LCMT1: variants seen among roughly 807,000 people sequenced by gnomAD.
LCMT1 encodes [Phosphatase 2A protein]-leucine-carboxy methyltransferase 1.
In LCMT1, 32 loss-of-function variants were observed where a neutral mutation model predicts 47.7. The ratio of observed to expected loss-of-function variants is 0.67; its 90% confidence interval spans 0.51 to 0.90. LCMT1 has a LOEUF of 0.90. Ranked by LOEUF, LCMT1 falls within the 40% of genes least tolerant of loss-of-function variation. The probability of loss-of-function intolerance (pLI) is 0.00; values close to 1 mark genes in which losing one functional copy is unlikely to be tolerated. For missense variants in LCMT1, 375 were observed against 415.2 expected, an observed-to-expected ratio of 0.90 and a Z score of 0.84; for synonymous variants, 152 against 149.7, an observed-to-expected ratio of 1.02 and a Z score of -0.11.
At chr16:25,151,443 A>C in intron 4 of LCMT1, 111 bp from the exon 5 acceptor site, 1 of 883,436 alleles carries the variant, frequency 1.1e-6, no homozygotes. Flanking sequence ...AATAGCAAAT[A>C]TATATTTGCC....
chr16:25,161,063 C>A, intron 5 of LCMT1, 39 bp from the exon 6 acceptor site: 1 of 1,237,240 alleles, frequency 8.1e-7, no homozygotes, highest in Non-Finnish European at 1.2e-6. Context: ...TTGGAAAAGA[C>A]ATATTCATTA....
At chr16:25,141,144 A>G (rs1298976072) in intron 4 of LCMT1, 2 of 152,188 alleles carry the variant, frequency 1.3e-5, no homozygotes, top group Non-Finnish European at 2.9e-5. Flanking sequence ...ACTTGGAGCT[A>G]TTGAAACCTG....
At chr16:25,135,570 G>A (rs1960480873) in intron 3 of LCMT1, among the ~76,000 whole-genome samples, 1 of 152,188 alleles carries the variant, frequency 6.6e-6, no homozygotes, top group African/African-American at 2.4e-5. Flanking sequence ...TTAGAGGTAT[G>A]TGTGTGTCTC....
Position 25,159,380 on chromosome 16 carries a change from C to T in LCMT1, c.467-1722C>T, listed in dbSNP as rs555796677. ...GAGCTCCTGGGCTCAAGCCATCACACCTCAGCCTCCGGAGTAGCTGGGACT... is the reference window on the plus strand; with the variant it reads ...GAGCTCCTGGGCTCAAGCCATCACATCTCAGCCTCCGGAGTAGCTGGGACT... On this transcript the variant is annotated intron_variant, in intron 5 of 10. Transcript: ENST00000399069. 1.0e-3 allele frequency among the ~76,000 whole-genome samples: 158 copies of T among 152,298 alleles called. 1 individual carries two copies. Among genetic ancestry groups the T allele is most frequent in the African/African-American group, 3.7e-3 (155 of 41,556 alleles).
chr16:25,133,196 C>G (rs991239038), intron 3 of LCMT1, among the ~76,000 whole-genome samples: 15 of 151,948 alleles, frequency 9.9e-5, no homozygotes, highest in African/African-American at 3.1e-4. Flanking sequence ...AAGATTTTGT[C>G]AGGATAATGG....
intron 3 of LCMT1, among the ~76,000 whole-genome samples, chr16:25,133,754 C>T (rs1960422279): frequency 6.6e-6 from 1 of 150,588 alleles, no homozygotes; most frequent in Admixed American, 6.6e-5. Context: ...CACTAATTGG[C>T]CGGGCATGGT....
chr16:25,130,632 C>T (rs776716094), intron 2 of LCMT1, among the ~76,000 whole-genome samples: 2 of 151,760 alleles, frequency 1.3e-5, no homozygotes, highest in South Asian at 2.1e-4. Context: ...GGTGACAGAG[C>T]GAGACCCTGT....
At chr16:25,163,991 G>A (rs1200882145) in intron 6 of LCMT1, among the ~76,000 whole-genome samples, 2 of 152,122 alleles carry the variant, frequency 1.3e-5, no homozygotes, top group Non-Finnish European at 2.9e-5. Context: ...CTGATATTCT[G>A]GAGTTCAGTC....
Position 25,111,997 on chromosome 16 carries a change from G to A in LCMT1, c.113+1G>A, listed in dbSNP as rs1310382336. 3 of 1,609,626 alleles carry A rather than the reference G, an allele frequency of 1.9e-6. No homozygotes were observed. The highest frequency in any genetic ancestry group is 2.5e-6 in the Non-Finnish European group (3 of 1,176,754). On this transcript the variant is annotated splice_donor_variant, in intron 1 of 10. Transcript: ENST00000399069. LOFTEE classifies it high-confidence loss of function. Reference sequence around the variant, plus strand: ...GCGAAGATGCTTCCCTGTGCAAGAGGTGCCTGTCGGGCGCGGGGTTCGGGG... The same window carrying A: ...GCGAAGATGCTTCCCTGTGCAAGAGATGCCTGTCGGGCGCGGGGTTCGGGG...
At chr16:25,149,084 T>A (rs1960983104) in intron 4 of LCMT1, 1 of 152,200 alleles carries the variant, frequency 6.6e-6, no homozygotes, top group South Asian at 2.1e-4. Context: ...GTTATCTTGG[T>A]TAATGGACCA....
rs1168335022 is a variant in LCMT1 at position 25,128,512 on chromosome 16, A to T, written c.151A>T (p.Ile51Leu). Reference sequence around the variant, plus strand: ...CATTGGCTACTGGCATGACCCTTACATACAGCACTTTGTGAGACTGTCTAA... The same window carrying T: ...CATTGGCTACTGGCATGACCCTTACTTACAGCACTTTGTGAGACTGTCTAA... ...VSIGYWHDPY[I>L]QHFVRLSKER... is the part of the protein sequence containing the mutation. The change falls in exon 2 of 11, where the codon ATA becomes TTA. Residue 51 changes from isoleucine (I) to leucine (L), a missense_variant. By Grantham distance (5) the Ile-to-Leu change is conservative. Transcript: ENST00000399069. 2.5e-6 allele frequency: 4 copies of T among 1,610,770 alleles called. No homozygotes were observed. The Admixed American group carries it at 6.7e-5, about 27-fold the overall frequency.
Position 25,170,818 on chromosome 16 carries a change from T to C in LCMT1, c.884+13T>C. 1 of 1,581,382 alleles carries C rather than the reference T, an allele frequency of 6.3e-7. No homozygotes were observed. Among genetic ancestry groups the C allele is most frequent in the South Asian group, 1.1e-5 (1 of 88,614 alleles). ...CTGAAGTGAGCAGGTATGGGGTTGG[T>C]GAGCGTCAGCTTGATGGGCATTCAT... On this transcript the variant is annotated intron_variant, in intron 9 of 10. Coordinates refer to ENST00000399069, the MANE Select transcript of LCMT1 (RefSeq NM_016309.3).
intron 10 of LCMT1, among the ~76,000 whole-genome samples, chr16:25,176,343 CAT>C (rs916696593): frequency 3.3e-5 from 5 of 152,010 alleles, no homozygotes; most frequent in African/African-American, 1.2e-4. Context: ...ATCCACATGA[CAT>C]GTGGTCACAA....
intron 8 of LCMT1, among the ~76,000 whole-genome samples, chr16:25,169,991 G>A (rs918999010): frequency 7.9e-5 from 12 of 151,996 alleles, no homozygotes; most frequent in South Asian, 2.1e-4. Context: ...ATGCTGAGGC[G>A]GGCGGATCAC....
chr16:25,160,227 G>A (rs766804573), intron 5 of LCMT1, among the ~76,000 whole-genome samples: 15 of 152,152 alleles, frequency 9.9e-5, no homozygotes, highest in Admixed American at 2.6e-4. Flanking sequence ...GATTACAGGC[G>A]TGAGCCACCG....
intron 3 of LCMT1, among the ~76,000 whole-genome samples, chr16:25,135,962 A>G (rs970463930): frequency 1.6e-4 from 24 of 151,882 alleles, no homozygotes; most frequent in African/African-American, 5.8e-4. Flanking sequence ...ATGGTGGTGC[A>G]CACCTGTGGT....
chr16:25,122,040 CAT>C (rs1384961270), intron 1 of LCMT1, among the ~76,000 whole-genome samples: 10 of 152,244 alleles, frequency 6.6e-5, no homozygotes, highest in Admixed American at 2.6e-4. Context: ...CATTTTTGCA[CAT>C]GTGTGTGAAT....
chr16:25,176,539 T>G (rs28474982), intron 10 of LCMT1, among the ~76,000 whole-genome samples: 9 of 145,678 alleles, frequency 6.2e-5, no homozygotes, highest in East Asian at 6.1e-4. Context: ...TTGGTTTTTG[T>G]TTTTTTTTGG....
intron 2 of LCMT1, among the ~76,000 whole-genome samples, chr16:25,130,339 CAAAA>C (rs58937394): frequency 1.8e-4 from 23 of 128,952 alleles, no homozygotes; most frequent in Admixed American, 2.4e-4. Flanking sequence ...TACTCCATCT[CAAAA>C]AAAAAAAAAA....
Sources: gnomAD v4.1 joint callset for allele counts (sites outside exome capture counted in the v4.1 genomes callset) on GRCh38, gnomAD v4.1.1 for gene constraint, MANE v1.5 for transcripts, NCBI Gene and HGNC (gene_info 2026-07-23, HGNC 2026-07-21) for gene names.